MATN4: variants seen among roughly 807,000 people sequenced by gnomAD.
The protein encoded by MATN4 is matrilin-4.
MATN4 carries 40 observed loss-of-function variants against 54.6 expected under a neutral mutation model. The observed-to-expected ratio is 0.73, with a 90% CI of 0.57 to 0.95. MATN4 has a LOEUF of 0.95. Among genes scored for constraint, MATN4 ranks in the 40% least tolerant of loss-of-function variants. MATN4 has a pLI of 0.00. For missense variants in MATN4, 810 were observed against 819.1 expected (o/e 0.99, Z 0.13); for synonymous variants, 351 against 345.3 (o/e 1.02, Z -0.18).
intron 6 of MATN4, among the ~76,000 whole-genome samples, chr20:45,299,491 A>G (rs574709951): frequency 1.3e-5 from 2 of 152,158 alleles, no homozygotes; most frequent in Non-Finnish European, 2.9e-5. Context: ...TTGAAACCCT[A>G]CGCCTTTATG....
Position 45,304,538 on chromosome 20 carries a change from G to A in MATN4, c.333C>T (p.Thr111=), listed in dbSNP as rs772303923. The A allele has an allele frequency of 5.0e-6, 8 of 1,595,892 alleles. No individual in the cohort carries two copies. In the South Asian group the frequency reaches 8.8e-5, roughly 18 times the overall value. ...CGTACTGGATTGCCAGTCCCGTCATGGTGCCTTGCGCCAGAGGCACCAGGT... is the reference window on the plus strand; with the variant it reads ...CGTACTGGATTGCCAGTCCCGTCATAGTGCCTTGCGCCAGAGGCACCAGGT... ...IRDLVPLAQG[T]MTGLAIQYAM... The change falls in exon 3 of 10, where the codon ACC becomes ACT. Residue 111 remains threonine, a synonymous_variant. Transcript: ENST00000372756.
At position 45,302,253 on chromosome 20, in the gene MATN4, T is replaced by G. The variant is rs78328272; in HGVS notation, c.644-810A>C. Among the ~76,000 whole-genome samples, 146 of 152,258 alleles carry G rather than the reference T, an allele frequency of 9.6e-4. 3 individuals carry two copies. In the East Asian group the frequency reaches 0.026, roughly 27 times the overall value. ...CAGAGGTCTTGGAGAGAGATTTGAA[T>G]GTTAAACAGTCATCAAATCAGAGTT... On this transcript the variant is annotated intron_variant, in intron 3 of 9. Coordinates refer to ENST00000372756, the MANE Select transcript of MATN4 (RefSeq NM_001393530.1).
intron 6 of MATN4, 118 bp downstream of exon 6, chr20:45,300,769 A>G (rs1001714596): frequency 7.7e-7 from 1 of 1,300,250 alleles, no homozygotes; most frequent in Non-Finnish European, 1.1e-6. Context: ...TCACCCCCAC[A>G]ACACACACAG....
intron 3 of MATN4, chr20:45,303,453 C>T (rs568634257): frequency 5.2e-5 from 37 of 717,056 alleles, no homozygotes; most frequent in Admixed American, 8.0e-5. Context: ...GGAACATGGC[C>T]CAGGCATTGA....
intron 3 of MATN4, among the ~76,000 whole-genome samples, chr20:45,301,698 C>G (rs1986243008): frequency 6.6e-6 from 1 of 152,132 alleles, no homozygotes; most frequent in Non-Finnish European, 1.5e-5. Flanking sequence ...TTGCTATTCA[C>G]AGCTTCCTTC....
chr20:45,296,695 C>T (rs2145642433), intron 8 of MATN4, among the ~76,000 whole-genome samples: 1 of 152,212 alleles, frequency 6.6e-6, no homozygotes, highest in East Asian at 1.9e-4. Flanking sequence ...TCTGAAAGAG[C>T]CCCTAATCTG....
upstream of MATN4, chr20:45,308,318 G>C (rs11907224): frequency 9.1e-7 from 1 of 1,097,650 alleles, no homozygotes; most frequent in Non-Finnish European, 1.4e-6. Context: ...CAGAGGCAAC[G>C]GCCGCATTTA....
rs60963790 is a variant in MATN4, at chr20:45,299,898, A to AAAAAAAAAAG, written c.1012+988_1012+989insCTTTTTTTTT. 2.0e-5 allele frequency among the ~76,000 whole-genome samples: 2 copies of AAAAAAAAAAG among 98,772 alleles called. 1 individual carries two copies. The highest frequency in any genetic ancestry group is 8.2e-5 in the African/African-American group (2 of 24,356). The allele number at this position is 98,772 out of a possible 152,430, so 64.8% of individuals were successfully genotyped here. On this transcript the variant is annotated intron_variant, in intron 6 of 9. Coordinates refer to ENST00000372756, the MANE Select transcript of MATN4 (RefSeq NM_001393530.1). ...GTCTCAAAAAAAAAAAAAAAAAAAA[A>AAAAAAAAAAG]AGTCGAAGAGGGCTTGCTTCCTGTC...
At position 45,304,327 on chromosome 20, in the gene MATN4, G is replaced by A. The variant is rs1420816736; in HGVS notation, c.544C>T (p.Arg182Cys). 1.1e-5 allele frequency: 16 copies of A among 1,519,282 alleles called. No individual in the cohort carries two copies. Among genetic ancestry groups the A allele is most frequent in the Non-Finnish European group, 1.4e-5 (16 of 1,135,556 alleles). The allele number at this position is 1,519,282 out of a possible 1,614,324, so 94.1% of individuals were successfully genotyped here. A position where few individuals can be genotyped will look rare whatever the true frequency, so the allele number is the denominator to read the frequency against. The change falls in exon 3 of 10, where the codon CGC (arginine) becomes TGC (cysteine). Residue 182 changes from arginine (R) to cysteine (C), a missense_variant. By Grantham distance (180) the Arg-to-Cys change is radical (BLOSUM62 -3). Coordinates refer to ENST00000372756, the MANE Select transcript of MATN4 (RefSeq NM_001393530.1). ...GVQRADVGSL[R>C]AMASPPLDEH... is the part of the protein sequence containing the mutation. ...TCTAGCGGGGGCGATGCCATGGCGC[G>A]CAGGGAGCCCACGTCCGCGCGCTGC...
rs1986475437 is a variant in MATN4, at chr20:45,304,762, A to T, written c.109T>A (p.Phe37Ile). The change falls in exon 3 of 10, where the codon TTC (phenylalanine) becomes ATC (isoleucine). Residue 37 changes from phenylalanine to isoleucine, a missense_variant. Transcript: ENST00000372756. ...ACGCTGCGGGAGCTGTCAATCACGAACACCAGATCCAGGGGCCCAGTGTGA... is the reference window on the plus strand; with the variant it reads ...ACGCTGCGGGAGCTGTCAATCACGATCACCAGATCCAGGGGCCCAGTGTGA... ...RCHTGPLDLVFVIDSSRSVRP... is the reference protein window; with the variant it reads ...RCHTGPLDLVIVIDSSRSVRP... The T allele has an allele frequency of 6.3e-7, 1 of 1,595,442 alleles. No individual in the cohort carries two copies.
At chr20:45,305,048 C>T (rs1193612978) in intron 2 of MATN4, among the ~76,000 whole-genome samples, 1 of 152,112 alleles carries the variant, frequency 6.6e-6, no homozygotes, top group Non-Finnish European at 1.5e-5. Flanking sequence ...GGCAAGGAAG[C>T]GTCGCAAACT....
intron 1 of MATN4, among the ~76,000 whole-genome samples, chr20:45,307,935 A>C (rs1183887497): frequency 6.6e-6 from 1 of 152,112 alleles, no homozygotes; most frequent in Non-Finnish European, 1.5e-5. Flanking sequence ...AATTCTCAAA[A>C]GTCCCTTAGG....
intron 3 of MATN4, among the ~76,000 whole-genome samples, chr20:45,302,205 A>G (rs1173823654): frequency 6.6e-6 from 1 of 152,170 alleles, no homozygotes; most frequent in Non-Finnish European, 1.5e-5. Flanking sequence ...TGACAACCAG[A>G]AGATAAGCAC....
At position 45,304,698 on chromosome 20, in the gene MATN4, A is replaced by G; in HGVS notation, c.173T>C (p.Met58Thr). The change falls in exon 3 of 10, where the codon ATG becomes ACG. Residue 58 changes from methionine to threonine, a missense_variant. Coordinates refer to ENST00000372756, the MANE Select transcript of MATN4 (RefSeq NM_001393530.1). ...FEFETMRQFL[M>T]GLLRGLNVGP... Reference sequence around the variant, plus strand: ...CACGTTCAGGCCTCGGAGGAGGCCCATGAGGAACTGCCGCATGGTCTCGAA... The same window carrying G: ...CACGTTCAGGCCTCGGAGGAGGCCCGTGAGGAACTGCCGCATGGTCTCGAA... 6.2e-7 allele frequency: 1 copy of G among 1,612,708 alleles called. No homozygotes were observed. The highest frequency in any genetic ancestry group is 8.5e-7 in the Non-Finnish European group (1 of 1,179,290).
intron 3 of MATN4, chr20:45,303,390 C>G (rs1986366022): frequency 1.4e-6 from 1 of 715,148 alleles, no homozygotes; most frequent in Non-Finnish European, 2.6e-6. Context: ...AGCTGTCATC[C>G]AAACAGCTCT....
chr20:45,294,233 C>T (rs1568868907), intron 8 of MATN4, among the ~76,000 whole-genome samples: 1 of 152,134 alleles, frequency 6.6e-6, no homozygotes, highest in East Asian at 1.9e-4. Flanking sequence ...AAAGAGTGTA[C>T]GCATTAGTGG....
At position 45,308,288 on chromosome 20, in the gene MATN4, T is replaced by G. The variant is rs760311285; in HGVS notation, c.-148A>C. The G allele has an allele frequency of 1.4e-6, 2 of 1,408,820 alleles. No homozygotes were observed. The highest frequency in any genetic ancestry group is 2.0e-6 in the Non-Finnish European group (2 of 994,218). 87.3% of individuals were successfully genotyped at this position (1,408,820 alleles called of 1,614,324 possible). A position where few individuals can be genotyped will look rare whatever the true frequency, so the allele number is the denominator to read the frequency against. On this transcript the variant is annotated 5_prime_UTR_variant, in exon 1 of 10. Transcript: ENST00000372756. ...GTGGCAGCGTGCCCTAGGTGGGGACTGCCAGGCAGCTGGAGCACACAGAGG... is the reference window on the plus strand; with the variant it reads ...GTGGCAGCGTGCCCTAGGTGGGGACGGCCAGGCAGCTGGAGCACACAGAGG...
chr20:45,295,635 C>T (rs1423227784), intron 8 of MATN4, among the ~76,000 whole-genome samples: 1 of 152,112 alleles, frequency 6.6e-6, no homozygotes, highest in African/African-American at 2.4e-5. Context: ...GATCTGCCCA[C>T]CTCGGCCTCC....
At position 45,298,279 on chromosome 20, in the gene MATN4, C is replaced by A; in HGVS notation, c.1317G>T (p.Ala439=). The A allele has an allele frequency of 6.2e-7, 1 of 1,613,462 alleles. No homozygotes were observed. Among genetic ancestry groups the A allele is most frequent in the African/African-American group, 1.3e-5 (1 of 75,050 alleles). Residue 439 remains alanine (A), a synonymous_variant, in exon 7 of 10, where the codon GCG becomes GCT. Coordinates refer to ENST00000372756, the MANE Select transcript of MATN4 (RefSeq NM_001393530.1). The surrounding 1 kb of genome is among the most constrained non-coding windows in gnomAD (Gnocchi z 4.6). ...RHMVEHSFSE[A]QGARPRALNV... ...TAAGGGCACGGGGCCGTGCACCCTGCGCCTCGGAGAAGCTGTGCTCCACCA... is the reference window on the plus strand; with the variant it reads ...TAAGGGCACGGGGCCGTGCACCCTGAGCCTCGGAGAAGCTGTGCTCCACCA...
Sources: gnomAD v4.1 joint callset for allele counts (sites outside exome capture counted in the v4.1 genomes callset) on GRCh38, gnomAD v4.1.1 for gene constraint, Gnocchi (gnomAD v3.1) non-coding constraint, MANE v1.5 for transcripts, NCBI Gene and HGNC (gene_info 2026-07-23, HGNC 2026-07-21) for gene names.